MARCHF6: variants seen among roughly 807,000 people sequenced by gnomAD.
The protein encoded by MARCHF6 is membrane associated ring-CH-type finger 6, also known as E3 ubiquitin-protein ligase MARCHF6.
A neutral mutation model predicts 133.7 loss-of-function variants in MARCHF6; 31 were observed. The observed-to-expected ratio is 0.23, with a 90% CI of 0.17 to 0.31. The LOEUF (loss-of-function observed/expected upper bound fraction) is 0.31. Among genes scored for constraint, MARCHF6 ranks in the 10% least tolerant of loss-of-function variants. The pLI is 1.00. For missense variants in MARCHF6, 723 were observed against 1,121.6 expected (o/e 0.64, Z 5.08); for synonymous variants, 395 against 402.5 (o/e 0.98, Z 0.22).
At chr5:10,427,175 C>T (rs1297736359) in intron 24 of MARCHF6, among the ~76,000 whole-genome samples, 1 of 152,204 alleles carries the variant, frequency 6.6e-6, no homozygotes, top group East Asian at 1.9e-4. Context: ...TCCCATTCTT[C>T]CCTGAAGAAT....
At chr5:10,365,585 C>A (rs576831470) in intron 1 of MARCHF6, among the ~76,000 whole-genome samples, 3 of 152,196 alleles carry the variant, frequency 2.0e-5, no homozygotes, top group Non-Finnish European at 4.4e-5. Context: ...AGCCACTGCA[C>A]CTGGCCGAGA....
chr5:10,390,929 A>G (rs1170842342), intron 6 of MARCHF6, among the ~76,000 whole-genome samples: 2 of 152,198 alleles, frequency 1.3e-5, no homozygotes, highest in Non-Finnish European at 2.9e-5. Context: ...AGAGAGCCAG[A>G]TTTGTTAACC....
chr5:10,388,187 T>C (rs1579562580), intron 5 of MARCHF6, among the ~76,000 whole-genome samples: 2 of 152,172 alleles, frequency 1.3e-5, no homozygotes, highest in Admixed American at 6.5e-5. Flanking sequence ...AGACTACTCA[T>C]TGACTCCAGA....
chr5:10,405,743 G>GT (rs1206233594), intron 16 of MARCHF6, 66 bp downstream of exon 16: 2,162 of 1,410,054 alleles, frequency 1.5e-3, no homozygotes, highest in South Asian at 2.3e-3. Flanking sequence ...TTTTGTTTAG[G>GT]TTTTTTTTTC....
chr5:10,402,741 T>C (rs1294630478), intron 14 of MARCHF6, 134 bp downstream of exon 14: 2 of 797,862 alleles, frequency 2.5e-6, no homozygotes, highest in Non-Finnish European at 4.1e-6. Context: ...TGTATCAGTA[T>C]AGGATCTTAA....
intron 5 of MARCHF6, 105 bp from the exon 6 acceptor site, chr5:10,390,227 T>TG: frequency 1.4e-6 from 1 of 707,760 alleles, no homozygotes; most frequent in Non-Finnish European, 2.3e-6. Flanking sequence ...TTCTTCTGGC[T>TG]GTTTTTTTTT....
At chr5:10,394,356 T>C (rs147344246) in intron 8 of MARCHF6, among the ~76,000 whole-genome samples, 64 of 152,326 alleles carry the variant, frequency 4.2e-4, no homozygotes, top group African/African-American at 1.3e-3. Context: ...TCTTGCTCCA[T>C]TTAGGAAATG....
At chr5:10,373,664 C>T (rs1320239488) in intron 1 of MARCHF6, among the ~76,000 whole-genome samples, 1 of 152,148 alleles carries the variant, frequency 6.6e-6, no homozygotes. Context: ...TGGAGGGCAG[C>T]GTCCCACGGG....
chr5:10,423,700 A>G, intron 22 of MARCHF6, 35 bp from the exon 23 acceptor site: 1 of 1,436,564 alleles, frequency 7.0e-7, no homozygotes, highest in East Asian at 2.3e-5. Context: ...GTTAAAAAAC[A>G]ACAGAAATAT....
rs1166974618 is a variant in MARCHF6, at chr5:10,411,524, A to G, written c.1883A>G (p.Asn628Ser). The G allele has an allele frequency of 6.2e-7, 1 of 1,613,534 alleles. No individual in the cohort carries two copies. Among genetic ancestry groups the G allele is most frequent in the Admixed American group, 1.7e-5 (1 of 59,932 alleles). The change falls in exon 19 of 26, where the codon AAT becomes AGT. Residue 628 changes from asparagine (N) to serine (S), a missense_variant. By Grantham distance (46) the Asn-to-Ser change is conservative. This residue lies in a region of MARCHF6 where 492 missense variants were observed against 699.5 expected (regional missense o/e 0.70). Coordinates refer to ENST00000274140, the MANE Select transcript of MARCHF6 (RefSeq NM_005885.4). ...TTTCAGCCTTACCGCCGACCTTTAA[A>G]TTTTCCACTCAGGGTAGGTGCTATA... ...VGFQPYRRPL[N>S]FPLRIFLLIV...
chr5:10,415,690 A>G, intron 21 of MARCHF6, 21 bp downstream of exon 21: 1 of 1,580,642 alleles, frequency 6.3e-7, no homozygotes, highest in Non-Finnish European at 8.6e-7. Flanking sequence ...GTAATACAAG[A>G]CTGATCTTGT....
chr5:10,400,463 T>C (rs1326538638), intron 10 of MARCHF6, among the ~76,000 whole-genome samples: 1 of 152,234 alleles, frequency 6.6e-6, no homozygotes, highest in African/African-American at 2.4e-5. Context: ...TTTCCTTTTT[T>C]GAGCATCATA....
At chr5:10,408,625 A>G (rs933422053) in intron 17 of MARCHF6, among the ~76,000 whole-genome samples, 1 of 152,128 alleles carries the variant, frequency 6.6e-6, no homozygotes, top group African/African-American at 2.4e-5. Context: ...TGCAGCCTCA[A>G]CCTCCTGGGC....
intron 18 of MARCHF6, among the ~76,000 whole-genome samples, chr5:10,411,036 AAGTAT>A (rs1739200091): frequency 9.3e-6 from 1 of 107,694 alleles, no homozygotes; most frequent in Non-Finnish European, 1.8e-5. Flanking sequence ...GTGTACTTGT[AAGTAT>A]CTTGTACATT....
intron 8 of MARCHF6, 140 bp downstream of exon 8, chr5:10,394,283 A>C (rs998150402): frequency 2.1e-6 from 1 of 478,674 alleles, no homozygotes; most frequent in South Asian, 6.9e-5. Flanking sequence ...AGTGAAAGTT[A>C]AGTGATATAT....
At chr5:10,429,641 TC>T (rs1012386808) in intron 24 of MARCHF6, among the ~76,000 whole-genome samples, 6 of 152,174 alleles carry the variant, frequency 3.9e-5, no homozygotes, top group African/African-American at 1.4e-4. Context: ...CCTCAAGTGA[TC>T]CGCCCGCCTT....
chr5:10,365,558 C>T (rs574402089), intron 1 of MARCHF6, among the ~76,000 whole-genome samples: 89 of 152,262 alleles, frequency 5.8e-4, no homozygotes, highest in Middle Eastern at 3.4e-3. Flanking sequence ...CCTCAGCCTC[C>T]TGGGATTACA....
At chr5:10,405,746 T>A in intron 16 of MARCHF6, 69 bp downstream of exon 16, 1 of 1,439,804 alleles carries the variant, frequency 6.9e-7, no homozygotes, top group Non-Finnish European at 9.3e-7. Context: ...TGTTTAGGTT[T>A]TTTTTTCCAG....
intron 14 of MARCHF6, 104 bp downstream of exon 14, chr5:10,402,711 T>C (rs1259147836): frequency 7.8e-6 from 8 of 1,031,890 alleles, no homozygotes; most frequent in Non-Finnish European, 1.0e-5. Context: ...ATTTGATAAT[T>C]TGCTTATTCT....
Sources: gnomAD v4.1 joint callset for allele counts (sites outside exome capture counted in the v4.1 genomes callset) on GRCh38, gnomAD v4.1.1 for gene constraint, gnomAD v4.1.1 regional missense constraint, MANE v1.5 for transcripts, NCBI Gene and HGNC (gene_info 2026-07-23, HGNC 2026-07-21) for gene names.